FGF12: variants seen among roughly 807,000 people sequenced by gnomAD.
FGF12 encodes the protein fibroblast growth factor 12B.
Under a neutral mutation model 23.6 loss-of-function variants are expected in FGF12, and 14 were observed. That is an observed-to-expected ratio of 0.59 (90% CI 0.39 to 0.93). FGF12 has a LOEUF of 0.93. Ranked by LOEUF, FGF12 falls within the 40% of genes least tolerant of loss-of-function variation. FGF12 has a pLI of 0.00. For missense variants in FGF12, 175 were observed against 217.8 expected, an observed-to-expected ratio of 0.80 and a Z score of 1.24; for synonymous variants, 62 against 77.3, an observed-to-expected ratio of 0.80 and a Z score of 1.04.
chr3:192,332,802 C>T (rs1275367302), intron 4 of FGF12, among the ~76,000 whole-genome samples: 1 of 152,084 alleles, frequency 6.6e-6, no homozygotes, highest in Non-Finnish European at 1.5e-5. Context: ...AGTTATGACC[C>T]TTATTGGTTG....
In FGF12 at chr3:192,246,511, T is replaced by C. The variant is rs148939967; in HGVS notation, c.229-75855A>G. Among the ~76,000 whole-genome samples the C allele has an allele frequency of 2.6e-3, 388 of 152,076 alleles. 2 individuals carry two copies. The highest frequency in any genetic ancestry group is 8.9e-3 in the African/African-American group (369 of 41,506). ...AGGTAGGACCTGGTTCTAATTGACA[T>C]AAATATAAAAGTGATAAGAAAGCCT... is the stretch of plus-strand genomic sequence containing the variant. On this transcript the variant is annotated intron_variant, in intron 4 of 5. Transcript: ENST00000445105.
intron 4 of FGF12, among the ~76,000 whole-genome samples, chr3:192,294,721 GT>G (rs1410023329): frequency 6.6e-6 from 1 of 152,108 alleles, no homozygotes; most frequent in African/African-American, 2.4e-5. Flanking sequence ...ATAGGGAAAA[GT>G]TTTGCAACTA....
At chr3:192,359,772 GA>G (rs1176421766) in intron 3 of FGF12, among the ~76,000 whole-genome samples, 2 of 151,342 alleles carry the variant, frequency 1.3e-5, no homozygotes, top group African/African-American at 4.9e-5. Context: ...ATTAATCTTT[GA>G]ATGCCCAGCA....
At chr3:192,175,849 A>G (rs1715828876) in intron 4 of FGF12, among the ~76,000 whole-genome samples, 1 of 152,068 alleles carries the variant, frequency 6.6e-6, no homozygotes, top group South Asian at 2.1e-4. Flanking sequence ...CCAGCTTCAT[A>G]GTTTCATACT....
rs368221640 is a variant in FGF12, at chr3:192,281,833, G to C, written c.228+53528C>G. On this transcript the variant is annotated intron_variant, in intron 4 of 5. Coordinates refer to ENST00000445105, the MANE Select transcript of FGF12 (RefSeq NM_004113.6). ...CCTTATGCAATCCTAGAGTGCAAAG[G>C]CTTCAGTGTTTCAAATCCTCATACT... 4.9e-4 allele frequency among the ~76,000 whole-genome samples: 74 copies of C among 152,184 alleles called. No individual in the cohort carries two copies. In the East Asian group the frequency reaches 7.3e-3, roughly 15 times the overall value.
intron 5 of FGF12, among the ~76,000 whole-genome samples, chr3:192,155,370 A>T (rs1234684341): frequency 6.6e-6 from 1 of 152,202 alleles, no homozygotes; most frequent in Non-Finnish European, 1.5e-5. Context: ...GTGCTTTGCA[A>T]ACACAATCAC....
intron 2 of FGF12, among the ~76,000 whole-genome samples, chr3:192,394,640 AG>A (rs1720444223): frequency 6.6e-6 from 1 of 152,164 alleles, no homozygotes; most frequent in East Asian, 1.9e-4. Flanking sequence ...GACTTCCCCA[AG>A]GTCACCAGGA....
chr3:192,699,461 G>A (rs926483403), intron 2 of FGF12, among the ~76,000 whole-genome samples: 9 of 152,150 alleles, frequency 5.9e-5, no homozygotes, highest in Non-Finnish European at 8.8e-5. Flanking sequence ...ATGGTGGGGT[G>A]CAATATATCC....
intron 2 of FGF12, among the ~76,000 whole-genome samples, chr3:192,366,456 A>G (rs1718988646): frequency 6.6e-6 from 1 of 152,200 alleles, no homozygotes; most frequent in African/African-American, 2.4e-5. Context: ...TTTGATAACA[A>G]TGGCTGTATA....
rs1024996450 is a variant in FGF12 at position 192,208,531 on chromosome 3, T to A, written c.229-37875A>T. ...TAAAGAACATGTTGTAATTTGGATA[T>A]TTTATATATATACACCAAATTATAA... is the stretch of plus-strand genomic sequence containing the variant. On this transcript the variant is annotated intron_variant, in intron 4 of 5. Transcript: ENST00000445105. Among the ~76,000 whole-genome samples the A allele has an allele frequency of 1.1e-4, 16 of 152,318 alleles. 2 individuals carry two copies. The highest frequency in any genetic ancestry group is 1.4e-4 in the African/African-American group (6 of 41,584).
chr3:192,537,058 CT>C (rs1172983235), intron 2 of FGF12, among the ~76,000 whole-genome samples: 1 of 152,106 alleles, frequency 6.6e-6, no homozygotes, highest in Non-Finnish European at 1.5e-5. Flanking sequence ...TGAAGTTTAT[CT>C]TTCTGTGCCT....
At chr3:192,531,763 A>G (rs1168945265) in intron 2 of FGF12, among the ~76,000 whole-genome samples, 1 of 152,224 alleles carries the variant, frequency 6.6e-6, no homozygotes, top group East Asian at 1.9e-4. Flanking sequence ...ATTTTCTACC[A>G]CACGCTTGAT....
intron 2 of FGF12, among the ~76,000 whole-genome samples, chr3:192,658,425 C>T (rs74491194): frequency 0.087 from 13,266 of 152,190 alleles, 752 homozygotes; most frequent in Middle Eastern, 0.14. Context: ...CTGCTACCAG[C>T]AGTTTTATTA....
intron 2 of FGF12, among the ~76,000 whole-genome samples, chr3:192,384,422 C>T (rs3109184): frequency 3.9e-5 from 6 of 151,984 alleles, no homozygotes; most frequent in Non-Finnish European, 8.8e-5. Flanking sequence ...ATCTTCCCTA[C>T]GAAGGTGAGA....
intron 4 of FGF12, among the ~76,000 whole-genome samples, chr3:192,182,367 G>C (rs1716228505): frequency 1.3e-5 from 2 of 151,730 alleles, no homozygotes; most frequent in Admixed American, 1.3e-4. Context: ...TTACTAATAG[G>C]GTTTTATTTC....
chr3:192,392,972 T>C lies in FGF12; in HGVS notation c.14-32434A>G, dbSNP rs76801189. On this transcript the variant is annotated intron_variant, in intron 2 of 5. Coordinates refer to ENST00000445105, the MANE Select transcript of FGF12 (RefSeq NM_004113.6). ...TTTTTAATTCTACCTATATGCAGGA[T>C]AGAGCAGAATCAAAAACTTTCACCC... 9.7e-3 allele frequency among the ~76,000 whole-genome samples: 1,472 copies of C among 152,298 alleles called. 26 individuals are homozygous for C. Among genetic ancestry groups the C allele is most frequent in the African/African-American group, 0.034 (1,403 of 41,556 alleles).
intron 2 of FGF12, among the ~76,000 whole-genome samples, chr3:192,558,201 A>G (rs1711867105): frequency 6.6e-6 from 1 of 151,864 alleles, no homozygotes; most frequent in Admixed American, 6.6e-5. Flanking sequence ...GAATAAACAA[A>G]CAGAAAAACA....
chr3:192,617,162 CA>C (rs1260996771), intron 2 of FGF12, among the ~76,000 whole-genome samples: 1 of 152,000 alleles, frequency 6.6e-6, no homozygotes, highest in East Asian at 1.9e-4. Flanking sequence ...TGTGGGTCCA[CA>C]AGGGTCTTGG....
At chr3:192,423,655 G>T (rs911550368) in intron 2 of FGF12, among the ~76,000 whole-genome samples, 1 of 152,132 alleles carries the variant, frequency 6.6e-6, no homozygotes, top group African/African-American at 2.4e-5. Context: ...GACCAAGAAA[G>T]GTGCAACATG....
Sources: gnomAD v4.1 joint callset for allele counts (sites outside exome capture counted in the v4.1 genomes callset) on GRCh38, gnomAD v4.1.1 for gene constraint, MANE v1.5 for transcripts, NCBI Gene and HGNC (gene_info 2026-07-23, HGNC 2026-07-21) for gene names.